CLSTN2: variants seen among roughly 807,000 people sequenced by gnomAD.
The protein encoded by CLSTN2 is calsyntenin-2.
In CLSTN2, 48 loss-of-function variants were observed where a neutral mutation model predicts 101.2. The ratio of observed to expected loss-of-function variants is 0.47; its 90% CI spans 0.38 to 0.60. CLSTN2 has a LOEUF of 0.60. CLSTN2 is among the 20% of genes least tolerant of loss of function. CLSTN2 has a pLI of 0.00. For synonymous variants in CLSTN2, 481 were observed against 463.6 expected, an observed-to-expected ratio of 1.04 and a Z score of -0.48; for missense variants, 1,160 against 1,238.2, an observed-to-expected ratio of 0.94 and a Z score of 0.95.
chr3:140,508,367 C>T (rs557676339), intron 8 of CLSTN2: 4 of 152,308 alleles, frequency 2.6e-5, no homozygotes, highest in South Asian at 2.1e-4. Flanking sequence ...TTTCCAGGGT[C>T]GCTAGCTCTT....
At chr3:140,232,362 C>T (rs1398711119) in intron 2 of CLSTN2, among the ~76,000 whole-genome samples, 1 of 152,094 alleles carries the variant, frequency 6.6e-6, no homozygotes, top group African/African-American at 2.4e-5. Flanking sequence ...GAATGTTAGC[C>T]ACTCTCTCCT....
At chr3:140,417,626 A>G (rs1345014514) in intron 4 of CLSTN2, among the ~76,000 whole-genome samples, 1 of 152,182 alleles carries the variant, frequency 6.6e-6, no homozygotes, top group African/African-American at 2.4e-5. Context: ...GTTCCTTTGG[A>G]GAAATAGCTC....
At chr3:140,352,565 G>T (rs1250488039) in intron 2 of CLSTN2, among the ~76,000 whole-genome samples, 2 of 152,130 alleles carry the variant, frequency 1.3e-5, no homozygotes, top group Non-Finnish European at 2.9e-5. Flanking sequence ...AGCTGCTTGG[G>T]TTAGCAAATA....
rs1000482446 is a variant in CLSTN2 at position 140,308,718 on chromosome 3, T to G, written c.233-94911T>G. On this transcript the variant is annotated intron_variant, in intron 2 of 16. Transcript: ENST00000458420. ...TTGACAGAAACCTCTCAACGTACAGTGCCAAATTATTAAACAATGTTCAAC... is the reference window on the plus strand; with the variant it reads ...TTGACAGAAACCTCTCAACGTACAGGGCCAAATTATTAAACAATGTTCAAC... Among the ~76,000 whole-genome samples the G allele has an allele frequency of 2.6e-5, 4 of 152,206 alleles. No individual in the cohort carries two copies. The East Asian group carries it at 7.7e-4, about 29-fold the overall frequency.
intron 2 of CLSTN2, among the ~76,000 whole-genome samples, chr3:140,336,932 T>G (rs1473454804): frequency 1.3e-5 from 2 of 151,946 alleles, no homozygotes; most frequent in East Asian, 3.9e-4. Flanking sequence ...CGCCCCACCT[T>G]CCCCACACCA....
chr3:140,415,838 C>T (rs898066616), intron 4 of CLSTN2, among the ~76,000 whole-genome samples: 20 of 152,132 alleles, frequency 1.3e-4, no homozygotes, highest in African/African-American at 4.8e-4. Flanking sequence ...TTCAGCAATT[C>T]CACTTTGGGG....
At chr3:140,420,117 C>T (rs34416314) in intron 4 of CLSTN2, among the ~76,000 whole-genome samples, 88,169 of 150,954 alleles carry the variant, frequency 0.58, 28,233 homozygotes, top group African/African-American at 0.86. Context: ...TGGTCTCAAA[C>T]TCCTGTCTTC....
At chr3:140,504,446 ACT>A (rs926361627) in intron 8 of CLSTN2, among the ~76,000 whole-genome samples, 1 of 151,916 alleles carries the variant, frequency 6.6e-6, no homozygotes, top group Non-Finnish European at 1.5e-5. Context: ...TGCAGTGAAC[ACT>A]CTGCATTTTT....
chr3:139,944,609 C>A (rs796169521), intron 1 of CLSTN2, among the ~76,000 whole-genome samples: 33 of 152,340 alleles, frequency 2.2e-4, no homozygotes, highest in African/African-American at 7.9e-4. Context: ...GGGGGAAGTG[C>A]CCTGCTCACC....
chr3:140,562,244 C>G lies in CLSTN2; in HGVS notation c.2148C>G (p.Asn716Lys). ...CAAGGCAGGAGTGCTTGGAGCTCAA[C>G]CACAGTGAGCTCCACCAACGACACC... The part of the protein sequence containing the change: ...LDPRQECLEL[N>K]HSELHQRHLD... Residue 716 changes from asparagine (N) to lysine (K), a missense_variant, in exon 13 of 17, where the codon AAC (asparagine) becomes AAG (lysine). Transcript: ENST00000458420. The G allele has an allele frequency of 6.2e-7, 1 of 1,613,500 alleles. No individual in the cohort carries two copies. The highest frequency in any genetic ancestry group is 2.2e-5 in the East Asian group (1 of 44,862).
At chr3:139,941,417 T>C (rs959391541) in intron 1 of CLSTN2, among the ~76,000 whole-genome samples, 5 of 152,202 alleles carry the variant, frequency 3.3e-5, no homozygotes, top group Non-Finnish European at 7.3e-5. Context: ...TTACTATTTC[T>C]CAGCCTCCTG....
intron 1 of CLSTN2, among the ~76,000 whole-genome samples, chr3:140,166,490 G>A (rs1279910712): frequency 6.6e-6 from 1 of 152,208 alleles, no homozygotes; most frequent in Non-Finnish European, 1.5e-5. Flanking sequence ...AAGATCCAGG[G>A]TTGTCCAGAA....
intron 2 of CLSTN2, among the ~76,000 whole-genome samples, chr3:140,397,955 A>T (rs2088202191): frequency 1.8e-5 from 1 of 55,624 alleles, no homozygotes; most frequent in Non-Finnish European, 5.6e-5. Context: ...CATTAATATC[A>T]CTACCCATCT....
At chr3:140,266,645 T>C (rs1344866911) in intron 2 of CLSTN2, among the ~76,000 whole-genome samples, 1 of 152,172 alleles carries the variant, frequency 6.6e-6, no homozygotes, top group Non-Finnish European at 1.5e-5. Flanking sequence ...TGCCTGAATT[T>C]CCACTGGTAT....
intron 8 of CLSTN2, among the ~76,000 whole-genome samples, chr3:140,467,445 G>A (rs1933735569): frequency 6.6e-6 from 1 of 152,176 alleles, no homozygotes; most frequent in Admixed American, 6.5e-5. Context: ...AAGGGACCAG[G>A]CGCTAATTGT....
intron 8 of CLSTN2, among the ~76,000 whole-genome samples, chr3:140,491,295 G>A (rs560560268): frequency 1.2e-4 from 18 of 152,244 alleles, no homozygotes; most frequent in African/African-American, 4.3e-4. Flanking sequence ...GGATTTGCTG[G>A]TGGTAAGGTA....
intron 8 of CLSTN2, among the ~76,000 whole-genome samples, chr3:140,491,721 C>T (rs1266401709): frequency 6.6e-6 from 1 of 152,126 alleles, no homozygotes; most frequent in African/African-American, 2.4e-5. Flanking sequence ...ACTCAGGAGG[C>T]TGAGGTGGGA....
chr3:140,023,618 G>A (rs1321137659), intron 1 of CLSTN2, among the ~76,000 whole-genome samples: 2 of 152,088 alleles, frequency 1.3e-5, no homozygotes, highest in Non-Finnish European at 2.9e-5. Flanking sequence ...TCCAAGGGGG[G>A]AGCTGCTCTG....
At chr3:140,369,658 C>T (rs561155261) in intron 2 of CLSTN2, among the ~76,000 whole-genome samples, 179 of 152,306 alleles carry the variant, frequency 1.2e-3, no homozygotes, top group Middle Eastern at 0.01. Flanking sequence ...TTAGCCGAGC[C>T]ACTTTGGACC....
Sources: gnomAD v4.1 joint callset for allele counts (sites outside exome capture counted in the v4.1 genomes callset) on GRCh38, gnomAD v4.1.1 for gene constraint, MANE v1.5 for transcripts, NCBI Gene and HGNC (gene_info 2026-07-23, HGNC 2026-07-21) for gene names.